Variants in PCSK2 observed in about 807,000 individuals in gnomAD.
The protein encoded by PCSK2 is proprotein convertase subtilisin/kexin type 2, also known as neuroendocrine convertase 2.
A neutral mutation model predicts 69.7 loss-of-function variants in PCSK2; 14 were observed. The observed-to-expected ratio is 0.20, with a 90% CI of 0.13 to 0.31. The LOEUF is 0.31. Ranked by LOEUF, PCSK2 falls within the 10% of genes least tolerant of loss-of-function variation. The pLI is 1.00. For synonymous variants in PCSK2, 307 were observed against 320.7 expected, an observed-to-expected ratio of 0.96 and a Z score of 0.46; for missense variants, 544 against 842.5, an observed-to-expected ratio of 0.65 and a Z score of 4.39.
intron 2 of PCSK2, among the ~76,000 whole-genome samples, chr20:17,288,970 G>C (rs895453707): frequency 1.3e-5 from 2 of 152,174 alleles, no homozygotes; most frequent in African/African-American, 2.4e-5. Context: ...GGAAAGCTGC[G>C]TTCTTGTGCA....
Position 17,238,056 on chromosome 20 carries a change from G to C in PCSK2, c.177+10574G>C, listed in dbSNP as rs567460813. ...TACTTGCAAACAGATGCAGAGGCTG[G>C]CACCCACAAAATGGTAAGGCCTATC... is the stretch of plus-strand genomic sequence containing the variant. On this transcript the variant is annotated intron_variant, in intron 1 of 11. Transcript: ENST00000262545. Among the ~76,000 whole-genome samples, 4 of 152,256 alleles carry C rather than the reference G, an allele frequency of 2.6e-5. No homozygotes were observed. The South Asian group carries it at 8.3e-4, about 32-fold the overall frequency.
chr20:17,360,644 A>G lies in PCSK2; in HGVS notation c.505+4A>G. The G allele has an allele frequency of 6.6e-7, 1 of 1,510,336 alleles. No individual in the cohort carries two copies. The highest frequency in any genetic ancestry group is 9.2e-7 in the Non-Finnish European group (1 of 1,087,702). 93.6% of individuals were successfully genotyped at this position (1,510,336 alleles called of 1,614,324 possible). On this transcript the variant is annotated splice_donor_region_variant and intron_variant, in intron 4 of 11. Transcript: ENST00000262545. ...ACCATTGGAATTATGGATGATGGTG[A>G]GTATTTTGAAGCCTGTGCCTCATTT...
At chr20:17,266,930 G>A (rs1455277378) in intron 2 of PCSK2, among the ~76,000 whole-genome samples, 1 of 152,172 alleles carries the variant, frequency 6.6e-6, no homozygotes, top group East Asian at 1.9e-4. Flanking sequence ...GGAAATGTGT[G>A]AGGGCCCTAA....
chr20:17,229,759 C>T (rs1457983719), intron 1 of PCSK2, among the ~76,000 whole-genome samples: 1 of 152,038 alleles, frequency 6.6e-6, no homozygotes, highest in Non-Finnish European at 1.5e-5. Flanking sequence ...CTAGAATAAA[C>T]CTCCTTTTGG....
At chr20:17,461,852 C>G (rs1342896292) in intron 10 of PCSK2, among the ~76,000 whole-genome samples, 1 of 152,164 alleles carries the variant, frequency 6.6e-6, no homozygotes, top group Non-Finnish European at 1.5e-5. Context: ...CCCATTTACC[C>G]TGATGTGATT....
chr20:17,330,099 A>G (rs1990171448), intron 2 of PCSK2, among the ~76,000 whole-genome samples: 1 of 152,262 alleles, frequency 6.6e-6, no homozygotes, highest in Admixed American at 6.5e-5. Flanking sequence ...TCAGTACAAA[A>G]TTATAATGAG....
At chr20:17,404,436 G>C (rs1484283079) in intron 5 of PCSK2, among the ~76,000 whole-genome samples, 3 of 152,334 alleles carry the variant, frequency 2.0e-5, no homozygotes, top group Non-Finnish European at 4.4e-5. Context: ...GTGACTCCTA[G>C]GGGCTTGACC....
At chr20:17,256,792 C>T (rs889385185) in intron 1 of PCSK2, among the ~76,000 whole-genome samples, 6 of 152,056 alleles carry the variant, frequency 3.9e-5, no homozygotes, top group African/African-American at 1.4e-4. Context: ...ACCCCACAGG[C>T]CCCAGTGTGT....
At chr20:17,394,759 T>C (rs1231462367) in intron 5 of PCSK2, among the ~76,000 whole-genome samples, 1 of 152,224 alleles carries the variant, frequency 6.6e-6, no homozygotes, top group Non-Finnish European at 1.5e-5. Context: ...GTGTTTCATA[T>C]TGTAGCAACT....
chr20:17,373,215 G>T (rs1464093096), intron 5 of PCSK2, among the ~76,000 whole-genome samples: 2 of 152,200 alleles, frequency 1.3e-5, no homozygotes, highest in Non-Finnish European at 2.9e-5. Flanking sequence ...GGGAAGGAAA[G>T]GTAGCTTGTA....
intron 6 of PCSK2, among the ~76,000 whole-genome samples, chr20:17,413,228 C>A (rs2031918545): frequency 6.6e-6 from 1 of 152,196 alleles, no homozygotes; most frequent in South Asian, 2.1e-4. Context: ...TTAAAAGACA[C>A]AGACAGGCAA....
intron 4 of PCSK2, among the ~76,000 whole-genome samples, chr20:17,360,917 C>T (rs1321177679): frequency 1.3e-5 from 2 of 152,180 alleles, no homozygotes; most frequent in African/African-American, 4.8e-5. Flanking sequence ...TAATTTCTTA[C>T]TGCTTACACT....
intron 1 of PCSK2, 72 bp from the exon 2 acceptor site, chr20:17,260,168 C>G: frequency 2.2e-6 from 2 of 923,466 alleles, no homozygotes; most frequent in Admixed American, 3.5e-5. Flanking sequence ...CAAGCAGCCC[C>G]AGCTTTGGTG....
chr20:17,299,166 T>C (rs1988995440), intron 2 of PCSK2, among the ~76,000 whole-genome samples: 1 of 152,186 alleles, frequency 6.6e-6, no homozygotes, highest in African/African-American at 2.4e-5. Context: ...TTTTCCTAAG[T>C]GCCTCATCTA....
At chr20:17,355,232 T>C (rs2030152689) in intron 2 of PCSK2, among the ~76,000 whole-genome samples, 1 of 152,202 alleles carries the variant, frequency 6.6e-6, no homozygotes, top group South Asian at 2.1e-4. Flanking sequence ...TGCACTGTTA[T>C]TTATAAAGGT....
At chr20:17,468,558 AGGCCAGCGTCCTGCTGTAGACG>A (rs2033147326) in intron 11 of PCSK2, among the ~76,000 whole-genome samples, 1 of 113,716 alleles carries the variant, frequency 8.8e-6, no homozygotes, top group Admixed American at 9.4e-5. Context: ...ATCCTCCCAC[AGGCCAGCGTCCTGCTGTAGACG>A]GGCAGCCTAC....
chr20:17,248,251 C>T (rs8121977), intron 1 of PCSK2, among the ~76,000 whole-genome samples: 202 of 151,362 alleles, frequency 1.3e-3, no homozygotes, highest in African/African-American at 4.6e-3. Context: ...ATACTAAATG[C>T]CCGCAGTATG....
intron 2 of PCSK2, among the ~76,000 whole-genome samples, chr20:17,303,804 T>C (rs1353181251): frequency 6.7e-6 from 1 of 148,628 alleles, no homozygotes; most frequent in African/African-American, 2.5e-5. Flanking sequence ...CTTGAACTCC[T>C]GACCTCAGGT....
chr20:17,472,850 A>C (rs1221962406), intron 11 of PCSK2, among the ~76,000 whole-genome samples: 1 of 152,166 alleles, frequency 6.6e-6, no homozygotes, highest in Non-Finnish European at 1.5e-5. Flanking sequence ...TACAGGCATG[A>C]GCCACCACAG....
Sources: allele counts gnomAD v4.1 joint callset (sites outside exome capture counted in the v4.1 genomes callset), GRCh38; gene constraint gnomAD v4.1.1; transcripts MANE v1.5; gene names NCBI Gene and HGNC (gene_info 2026-07-23, HGNC 2026-07-21).